Variants in PARD3B observed in about 807,000 individuals in gnomAD.
The protein encoded by PARD3B is partitioning defective 3 homolog B.
In PARD3B, 103 loss-of-function variants were observed where a neutral mutation model predicts 130.2. The ratio of observed to expected loss-of-function variants is 0.79; its 90% confidence interval spans 0.67 to 0.93. PARD3B has a LOEUF of 0.93. Among genes scored for constraint, PARD3B ranks in the 40% least tolerant of loss-of-function variants. The pLI, the probability that PARD3B is intolerant of heterozygous loss-of-function variation, is 0.00. For synonymous variants in PARD3B, 583 were observed against 553.2 expected, an observed-to-expected ratio of 1.05 and a Z score of -0.76; for missense variants, 1,609 against 1,499.2, an observed-to-expected ratio of 1.07 and a Z score of -1.21.
At chr2:204,840,694 G>A (rs915309472) in intron 2 of PARD3B, among the ~76,000 whole-genome samples, 2 of 152,102 alleles carry the variant, frequency 1.3e-5, no homozygotes, top group Non-Finnish European at 2.9e-5. Flanking sequence ...GTACGGTAGT[G>A]TCATCCAGGG....
At chr2:204,748,864 T>C (rs556517266) in intron 2 of PARD3B, among the ~76,000 whole-genome samples, 7 of 152,296 alleles carry the variant, frequency 4.6e-5, no homozygotes, top group African/African-American at 1.7e-4. Flanking sequence ...TCTTTTTTCC[T>C]ATATACCCAT....
intron 1 of PARD3B, among the ~76,000 whole-genome samples, chr2:204,563,710 G>T (rs2031490504): frequency 6.6e-6 from 1 of 152,096 alleles, no homozygotes; most frequent in African/African-American, 2.4e-5. Flanking sequence ...TACCTTTTCA[G>T]TTGACACTTT....
At chr2:205,574,813 A>AT (rs1335354090) in intron 22 of PARD3B, among the ~76,000 whole-genome samples, 1 of 149,650 alleles carries the variant, frequency 6.7e-6, no homozygotes, top group East Asian at 2.0e-4. Context: ...GTAAGGAGAC[A>AT]TGGGGACTTA....
intron 2 of PARD3B, among the ~76,000 whole-genome samples, chr2:204,718,862 G>C (rs943270597): frequency 3.3e-5 from 5 of 152,136 alleles, no homozygotes; most frequent in African/African-American, 1.2e-4. Context: ...TGTAACCCTG[G>C]TTCCTTCAGA....
At chr2:204,776,778 A>G (rs1361804423) in intron 2 of PARD3B, among the ~76,000 whole-genome samples, 1 of 151,912 alleles carries the variant, frequency 6.6e-6, no homozygotes, top group Non-Finnish European at 1.5e-5. Context: ...CTTCAAGAAA[A>G]ATGATGCCTC....
chr2:204,643,734 A>AC (rs1464905366), intron 1 of PARD3B, among the ~76,000 whole-genome samples: 1 of 152,036 alleles, frequency 6.6e-6, no homozygotes, highest in Non-Finnish European at 1.5e-5. Context: ...AAAAGATTGG[A>AC]CACCCCTCTT....
rs140351611 is a variant in PARD3B at position 205,476,934 on chromosome 2, T to C, written c.3045-22962T>C. ...TTAACTTCTCACCTTGGTATTCTGG[T>C]AGTGTAATGAAAACATCTGTTACTT... On this transcript the variant is annotated intron_variant, in intron 20 of 22. Coordinates refer to ENST00000406610, the MANE Select transcript of PARD3B (RefSeq NM_001302769.2). 3.9e-5 allele frequency among the ~76,000 whole-genome samples: 6 copies of C among 152,354 alleles called. No homozygotes were observed. In the East Asian group the frequency reaches 1.2e-3, roughly 29 times the overall value.
Position 205,176,827 on chromosome 2 carries a change from A to T in PARD3B, c.1924+250A>T, listed in dbSNP as rs908679016. 3.9e-5 allele frequency among the ~76,000 whole-genome samples: 6 copies of T among 152,194 alleles called. No homozygotes were observed. Among genetic ancestry groups the T allele is most frequent in the African/African-American group, 1.4e-4 (6 of 41,454 alleles). Reference sequence around the variant, plus strand: ...CTGCCCCAAACATGGAGGGTTATATATAAAACAAACGATCACTGGAGAATC... The same window carrying T: ...CTGCCCCAAACATGGAGGGTTATATTTAAAACAAACGATCACTGGAGAATC... On this transcript the variant is annotated intron_variant, in intron 13 of 22. Coordinates refer to ENST00000406610, the MANE Select transcript of PARD3B (RefSeq NM_001302769.2). The surrounding 1 kb of genome is among the most constrained non-coding windows in gnomAD (Gnocchi z 5.3).
chr2:204,921,006 G>A (rs1459913945), intron 2 of PARD3B, among the ~76,000 whole-genome samples: 1 of 152,188 alleles, frequency 6.6e-6, no homozygotes, highest in African/African-American at 2.4e-5. Context: ...CTGAGAGAAT[G>A]CTGCATTGAA....
intron 1 of PARD3B, among the ~76,000 whole-genome samples, chr2:204,665,435 C>G (rs982957440): frequency 6.6e-6 from 1 of 152,098 alleles, no homozygotes; most frequent in Non-Finnish European, 1.5e-5. Flanking sequence ...GGCAGATTTT[C>G]TTATTTTAGA....
intron 20 of PARD3B, among the ~76,000 whole-genome samples, chr2:205,455,773 A>G (rs2048253321): frequency 6.6e-6 from 1 of 152,080 alleles, no homozygotes; most frequent in Admixed American, 6.6e-5. Flanking sequence ...TACATCTTAC[A>G]TAATCGTAGT....
chr2:204,990,378 T>C (rs768459084), intron 3 of PARD3B, among the ~76,000 whole-genome samples: 1 of 152,088 alleles, frequency 6.6e-6, no homozygotes, highest in Non-Finnish European at 1.5e-5. Flanking sequence ...CTCAAACATA[T>C]CATGTTTCTT....
chr2:205,196,449 G>A (rs2036686313), intron 15 of PARD3B, among the ~76,000 whole-genome samples: 1 of 151,834 alleles, frequency 6.6e-6, no homozygotes, highest in African/African-American at 2.4e-5. Context: ...TTGTTACATG[G>A]GATGCAAGTG....
chr2:205,617,356 G>A lies in PARD3B; in HGVS notation c.*1543G>A, dbSNP rs74454488. On this transcript the variant is annotated 3_prime_UTR_variant, in exon 23 of 23. Transcript: ENST00000406610. ...TTCTTTATTCCCTCCAAAAAAAAAA[G>A]TCTTGAGTTTAATTTAGGTCTATTT... is the stretch of plus-strand genomic sequence containing the variant. The A allele has an allele frequency of 2.6e-5, 4 of 151,820 alleles. No homozygotes were observed. Among genetic ancestry groups the A allele is most frequent in the African/African-American group, 9.7e-5 (4 of 41,302 alleles). 9.4% of individuals were successfully genotyped at this position (151,820 alleles called of 1,614,324 possible).
chr2:205,101,433 T>A (rs1702783855), intron 4 of PARD3B, among the ~76,000 whole-genome samples: 1 of 152,214 alleles, frequency 6.6e-6, no homozygotes, highest in South Asian at 2.1e-4. Context: ...GTATTGCTGG[T>A]AAGAATGGCA....
chr2:204,570,019 A>G (rs1032984370), intron 1 of PARD3B, among the ~76,000 whole-genome samples: 3 of 152,182 alleles, frequency 2.0e-5, no homozygotes, highest in Non-Finnish European at 4.4e-5. Context: ...TAACGGGGCT[A>G]CAAGACACTC....
At position 205,078,789 on chromosome 2, in the gene PARD3B, C is replaced by T. The variant is rs1208915731; in HGVS notation, c.505-25637C>T. ...GTGGCTTCCATCTGATTCCCTTGGG[C>T]ATTTGCTCTGGGACAAGCCAGATGC... On this transcript the variant is annotated intron_variant, in intron 4 of 22. Transcript: ENST00000406610. This position sits in a 1 kb window ranked among gnomAD's most constrained non-coding sequence, Gnocchi z 4.0. Among the ~76,000 whole-genome samples the T allele has an allele frequency of 6.6e-6, 1 of 152,182 alleles. No homozygotes were observed. The highest frequency in any genetic ancestry group is 1.5e-5 in the Non-Finnish European group (1 of 68,048).
chr2:204,787,259 C>G (rs930502691), intron 2 of PARD3B, among the ~76,000 whole-genome samples: 3 of 152,010 alleles, frequency 2.0e-5, no homozygotes, highest in Admixed American at 6.6e-5. Flanking sequence ...CGTGAAAGTA[C>G]CTGATATTCT....
intron 2 of PARD3B, among the ~76,000 whole-genome samples, chr2:204,771,078 C>G (rs1197829271): frequency 6.6e-6 from 1 of 152,074 alleles, no homozygotes; most frequent in Non-Finnish European, 1.5e-5. Flanking sequence ...AGCCTAGACC[C>G]TCTTAAAGAT....
Sources: gnomAD v4.1 joint callset for allele counts (sites outside exome capture counted in the v4.1 genomes callset) on GRCh38, gnomAD v4.1.1 for gene constraint, Gnocchi (gnomAD v3.1) non-coding constraint, MANE v1.5 for transcripts, NCBI Gene and HGNC (gene_info 2026-07-23, HGNC 2026-07-21) for gene names.